Variants in NRF1 observed in about 807,000 individuals in gnomAD.
NRF1 encodes the protein nuclear respiratory factor 1.
A neutral mutation model predicts 58.5 loss-of-function variants in NRF1; 5 were observed. The observed-to-expected ratio is 0.09, with a 90% CI of 0.04 to 0.18. NRF1 has a LOEUF of 0.18. NRF1 is among the 10% of genes least tolerant of loss of function. The pLI is 1.00. For synonymous variants in NRF1, 224 were observed against 246.7 expected, an observed-to-expected ratio of 0.91 and a Z score of 0.86; for missense variants, 288 against 657.7, an observed-to-expected ratio of 0.44 and a Z score of 6.15.
chr7:129,697,387 TA>T (rs973661245), intron 5 of NRF1, among the ~76,000 whole-genome samples: 27 of 146,642 alleles, frequency 1.8e-4, no homozygotes, highest in East Asian at 2.0e-4. Context: ...ACTAAAAATT[TA>T]AAAAAAAAAA....
At chr7:129,649,243 A>T (rs952230752) in intron 1 of NRF1, among the ~76,000 whole-genome samples, 1 of 152,058 alleles carries the variant, frequency 6.6e-6, no homozygotes, top group Non-Finnish European at 1.5e-5. Flanking sequence ...TAAAATTTCT[A>T]TCCTAGTTAT....
chr7:129,727,409 A>T (rs1169780130), intron 10 of NRF1, 44 bp downstream of exon 10: 1 of 1,550,622 alleles, frequency 6.4e-7, no homozygotes. Flanking sequence ...CCCTGTTTCC[A>T]CTTAAACCTT....
intron 4 of NRF1, among the ~76,000 whole-genome samples, chr7:129,684,637 T>C (rs1251484629): frequency 6.6e-6 from 1 of 152,188 alleles, no homozygotes; most frequent in Non-Finnish European, 1.5e-5. Context: ...TCATTTATCA[T>C]TAATAATCAA....
intron 10 of NRF1, among the ~76,000 whole-genome samples, chr7:129,742,440 C>T (rs1023703714): frequency 3.9e-5 from 6 of 152,084 alleles, no homozygotes; most frequent in African/African-American, 7.2e-5. Flanking sequence ...AGCAGTCTTC[C>T]GACTCTGCCC....
chr7:129,700,134 C>G (rs1023794745), intron 5 of NRF1, among the ~76,000 whole-genome samples: 2 of 150,028 alleles, frequency 1.3e-5, no homozygotes, highest in African/African-American at 2.4e-5. Flanking sequence ...GTGTGAGACT[C>G]CATCTCAAAA....
Position 129,715,044 on chromosome 7 carries a change from G to A in NRF1, c.1066-2175G>A, listed in dbSNP as rs1441715118. ...AATAGAAATTGCTTTTACTGCCCCT[G>A]CTGCTTTTCAGTTTTGAGGGTGGGT... On this transcript the variant is annotated intron_variant, in intron 8 of 10. Coordinates refer to ENST00000393232, the MANE Select transcript of NRF1 (RefSeq NM_005011.5). Among the ~76,000 whole-genome samples the A allele has an allele frequency of 2.0e-5, 3 of 152,158 alleles. No homozygotes were observed. The East Asian group carries it at 5.8e-4, about 29-fold the overall frequency.
intron 2 of NRF1, among the ~76,000 whole-genome samples, chr7:129,663,805 A>C (rs1482350514): frequency 6.6e-6 from 1 of 152,208 alleles, no homozygotes; most frequent in Non-Finnish European, 1.5e-5. Flanking sequence ...TAGCGAGCCA[A>C]GATCACGCCA....
At chr7:129,617,353 C>T (rs1800680102) in intron 1 of NRF1, among the ~76,000 whole-genome samples, 1 of 152,076 alleles carries the variant, frequency 6.6e-6, no homozygotes, top group African/African-American at 2.4e-5. Context: ...CTACAAAGAA[C>T]AAGGGGAAAT....
At chr7:129,712,955 G>A (rs1035859923) in intron 8 of NRF1, among the ~76,000 whole-genome samples, 3 of 152,118 alleles carry the variant, frequency 2.0e-5, no homozygotes, top group Non-Finnish European at 2.9e-5. Context: ...TTAGTTTTTG[G>A]CTTAGACAAA....
In NRF1 at chr7:129,632,820, A is replaced by C. The variant is rs550763376; in HGVS notation, c.-7+20996A>C. On this transcript the variant is annotated intron_variant, in intron 1 of 10. Coordinates refer to ENST00000393232, the MANE Select transcript of NRF1 (RefSeq NM_005011.5). ...AAAGTAATACATGTTTTTTGTAGGG[A>C]ATTTTAAAAATAAAGGGAAGTATGA... 2.6e-5 allele frequency among the ~76,000 whole-genome samples: 4 copies of C among 152,270 alleles called. No homozygotes were observed. In the East Asian group the frequency reaches 7.7e-4, roughly 29 times the overall value.
intron 5 of NRF1, among the ~76,000 whole-genome samples, chr7:129,701,215 G>C (rs936804173): frequency 2.6e-5 from 4 of 151,992 alleles, no homozygotes; most frequent in African/African-American, 9.7e-5. Context: ...AAAATAACCA[G>C]TAAATATATA....
At chr7:129,688,158 G>T (rs1320662929) in intron 4 of NRF1, among the ~76,000 whole-genome samples, 1 of 152,104 alleles carries the variant, frequency 6.6e-6, no homozygotes, top group East Asian at 1.9e-4. Context: ...TTGAGACAAG[G>T]TCTGGCTCTG....
chr7:129,688,817 A>G (rs988241825), intron 4 of NRF1, among the ~76,000 whole-genome samples: 10 of 152,182 alleles, frequency 6.6e-5, no homozygotes, highest in South Asian at 2.1e-4. Context: ...AACTGCCCCC[A>G]TGATCCAGTC....
At chr7:129,697,728 T>TTTTTTTG (rs1179745879) in intron 5 of NRF1, among the ~76,000 whole-genome samples, 1 of 142,866 alleles carries the variant, frequency 7.0e-6, no homozygotes, top group Non-Finnish European at 1.6e-5. Context: ...AAACATTTAC[T>TTTTTTTG]TTTTTTGTTT....
At chr7:129,656,475 G>A (rs1252119333) in intron 1 of NRF1, among the ~76,000 whole-genome samples, 1 of 151,972 alleles carries the variant, frequency 6.6e-6, no homozygotes, top group Non-Finnish European at 1.5e-5. Flanking sequence ...GAGATTATAA[G>A]TGTAATAGAA....
intron 2 of NRF1, among the ~76,000 whole-genome samples, chr7:129,662,880 T>TTTCCTAGGCAGAGG (rs769710320): frequency 2.0e-4 from 30 of 152,284 alleles, no homozygotes; most frequent in Non-Finnish European, 3.8e-4. Context: ...GGTCTCTGGT[T>TTTCCTAGGCAGAGG]TTCCTAGGCA....
chr7:129,657,222 G>A (rs750032889), intron 1 of NRF1, 124 bp from the exon 2 acceptor site: 121 of 667,700 alleles, frequency 1.8e-4, no homozygotes, highest in Non-Finnish European at 2.9e-4. Context: ...GGTGTGGCAC[G>A]GTAAGTAGTG....
chr7:129,631,833 G>A lies in NRF1; in HGVS notation c.-7+20009G>A, dbSNP rs550770782. ...ATAATGTATATATTTAAGTTTACTG[G>A]ACAGATTTAAATTTGTGTTCTTTGT... On this transcript the variant is annotated intron_variant, in intron 1 of 10. Transcript: ENST00000393232. Among the ~76,000 whole-genome samples the A allele has an allele frequency of 9.2e-5, 14 of 152,296 alleles. No homozygotes were observed. In the South Asian group the frequency reaches 2.9e-3, roughly 32 times the overall value.
At chr7:129,630,025 C>T (rs968481450) in intron 1 of NRF1, 5 of 152,218 alleles carry the variant, frequency 3.3e-5, no homozygotes, top group Non-Finnish European at 5.9e-5. Context: ...ACTTTGAGAA[C>T]TGCTGTTAAG....
Sources: allele counts gnomAD v4.1 joint callset (sites outside exome capture counted in the v4.1 genomes callset), GRCh38; gene constraint gnomAD v4.1.1; transcripts MANE v1.5; gene names NCBI Gene and HGNC (gene_info 2026-07-23, HGNC 2026-07-21).